The following CORIN variants were observed in gnomAD, a reference collection of about 807,000 sequenced individuals.
The protein encoded by CORIN is atrial natriuretic peptide-converting enzyme.
In CORIN, 117 loss-of-function variants were observed where a neutral mutation model predicts 125.3. The ratio of observed to expected loss-of-function variants is 0.93; its 90% CI spans 0.80 to 1.09. The LOEUF (loss-of-function observed/expected upper bound fraction) is 1.09, where lower values mean the gene tolerates loss of function less well. Among genes scored for constraint, CORIN ranks in the 50% least tolerant of loss-of-function variants. The probability of loss-of-function intolerance (pLI) is 0.00; values close to 1 mark genes in which losing one functional copy is unlikely to be tolerated. For missense variants in CORIN, 1,253 were observed against 1,306.7 expected (o/e 0.96, Z 0.63); for synonymous variants, 450 against 466.4 (o/e 0.96, Z 0.45).
intron 13 of CORIN, among the ~76,000 whole-genome samples, chr4:47,645,949 T>G (rs1018260119): frequency 2.0e-5 from 3 of 151,804 alleles, no homozygotes; most frequent in Non-Finnish European, 4.4e-5. Context: ...TCATGTATTT[T>G]CTATTCTTTT....
intron 16 of CORIN, among the ~76,000 whole-genome samples, chr4:47,632,958 T>C (rs58577037): frequency 1.3e-5 from 2 of 152,188 alleles, no homozygotes; most frequent in South Asian, 2.1e-4. Context: ...TTTTTGTACT[T>C]TTTGGTGGAG....
At chr4:47,624,889 AAT>A (rs1722487739) in intron 17 of CORIN, among the ~76,000 whole-genome samples, 2 of 152,014 alleles carry the variant, frequency 1.3e-5, no homozygotes, top group Admixed American at 1.3e-4. Flanking sequence ...GAAAAAAAAA[AAT>A]GCAACCCTAA....
At chr4:47,769,851 A>G (rs1729937815) in intron 3 of CORIN, among the ~76,000 whole-genome samples, 1 of 152,146 alleles carries the variant, frequency 6.6e-6, no homozygotes, top group Non-Finnish European at 1.5e-5. Context: ...TACACCATAT[A>G]CAAAATTAAC....
chr4:47,641,355 G>T lies in CORIN; in HGVS notation c.2198+565C>A, dbSNP rs1723223661. Among the ~76,000 whole-genome samples the T allele has an allele frequency of 2.6e-5, 4 of 152,112 alleles. No individual in the cohort carries two copies. The South Asian group carries it at 8.3e-4, about 32-fold the overall frequency. On this transcript the variant is annotated intron_variant, in intron 16 of 21. Coordinates refer to ENST00000273857, the MANE Select transcript of CORIN (RefSeq NM_006587.4). ...AAATTATTGCTTTCCACCCCCAATG[G>T]AATTGAAAAAGAAAAACCTCACAAA...
rs1728569466 is a variant in CORIN at position 47,744,479 on chromosome 4, G to GA, written c.721dup (p.Ser241PhefsTer4). 6.2e-7 allele frequency: 1 copy of GA among 1,613,890 alleles called. No homozygotes were observed. The highest frequency in any genetic ancestry group is 1.1e-5 in the South Asian group (1 of 91,070). On this transcript the variant is annotated frameshift_variant, in exon 5 of 22. Transcript: ENST00000273857. LOFTEE classifies it high-confidence loss of function. The stretch of plus-strand genomic sequence containing the variant: ...GCTTTCAGTTTGGTTTCTAAACTGG[G>GA]AGCATCTGAGGAAATCCGGCCAGGA...
rs140355497 is a variant in CORIN, at chr4:47,789,105, C to G, written c.209-2180G>C. On this transcript the variant is annotated intron_variant, in intron 2 of 21. Coordinates refer to ENST00000273857, the MANE Select transcript of CORIN (RefSeq NM_006587.4). ...ATCACCTGAGGTCAGGAGTTCTAGACCACCCTGACCCGCGTGAAACCCCGT... is the reference window on the plus strand; with the variant it reads ...ATCACCTGAGGTCAGGAGTTCTAGAGCACCCTGACCCGCGTGAAACCCCGT... Among the ~76,000 whole-genome samples the G allele has an allele frequency of 8.8e-3, 1,340 of 151,988 alleles. 26 individuals carry two copies. The highest frequency in any genetic ancestry group is 0.03 in the African/African-American group (1,262 of 41,428).
chr4:47,744,338 T>A (rs944642141), intron 5 of CORIN, 64 bp downstream of exon 5: 4 of 1,401,872 alleles, frequency 2.9e-6, no homozygotes, highest in Non-Finnish European at 3.0e-6. Flanking sequence ...TTTATATCCA[T>A]TCCTGTATAA....
chr4:47,670,573 G>C (rs542150437), intron 10 of CORIN, among the ~76,000 whole-genome samples: 1 of 152,184 alleles, frequency 6.6e-6, no homozygotes, highest in Non-Finnish European at 1.5e-5. Context: ...GAAAATGCAC[G>C]AGTAAGCGTA....
intron 3 of CORIN, among the ~76,000 whole-genome samples, chr4:47,778,936 T>A (rs1212355382): frequency 6.6e-6 from 1 of 152,144 alleles, no homozygotes; most frequent in African/African-American, 2.4e-5. Flanking sequence ...CTACAGCAGG[T>A]GCCCATAATC....
intron 6 of CORIN, among the ~76,000 whole-genome samples, chr4:47,686,823 T>C (rs1354895768): frequency 6.6e-6 from 1 of 152,106 alleles, no homozygotes; most frequent in African/African-American, 2.4e-5. Flanking sequence ...GTTAATTTCT[T>C]TGTAAGCACT....
At chr4:47,602,116 A>G (rs1037954792) in intron 20 of CORIN, among the ~76,000 whole-genome samples, 1 of 150,346 alleles carries the variant, frequency 6.7e-6, no homozygotes, top group Non-Finnish European at 1.5e-5. Flanking sequence ...AATACAAAAA[A>G]CAAAATTAGC....
intron 5 of CORIN, among the ~76,000 whole-genome samples, chr4:47,742,951 G>A (rs1348094145): frequency 6.6e-6 from 1 of 152,042 alleles, no homozygotes; most frequent in Non-Finnish European, 1.5e-5. Context: ...TCACTTGATT[G>A]ATAGCAGCAG....
chr4:47,605,679 A>G (rs948579263), intron 19 of CORIN, among the ~76,000 whole-genome samples: 3 of 152,140 alleles, frequency 2.0e-5, no homozygotes, highest in African/African-American at 7.2e-5. Flanking sequence ...CAGGCTGAAC[A>G]CTGAATCCTC....
chr4:47,832,282 C>T (rs139495398), intron 1 of CORIN, among the ~76,000 whole-genome samples: 1 of 152,136 alleles, frequency 6.6e-6, no homozygotes, highest in Non-Finnish European at 1.5e-5. Flanking sequence ...ATACATCAAT[C>T]TGGCCATTTA....
At chr4:47,601,159 AG>A (rs1316848123) in intron 20 of CORIN, among the ~76,000 whole-genome samples, 1 of 152,222 alleles carries the variant, frequency 6.6e-6, no homozygotes, top group East Asian at 1.9e-4. Flanking sequence ...CAAAAGAATA[AG>A]AACAATAGCT....
chr4:47,782,240 C>A (rs1189855311), intron 3 of CORIN, among the ~76,000 whole-genome samples: 1 of 151,802 alleles, frequency 6.6e-6, no homozygotes, highest in Non-Finnish European at 1.5e-5. Context: ...CAAAAATTAG[C>A]CAGGCATAGT....
At position 47,594,500 on chromosome 4, in the gene CORIN, C is replaced by T. The variant is rs1006690219; in HGVS notation, c.*1221G>A. 4.6e-5 allele frequency: 7 copies of T among 152,378 alleles called. No homozygotes were observed. The highest frequency in any genetic ancestry group is 7.2e-5 in the African/African-American group (3 of 41,390). The allele number at this position is 152,378 out of a possible 1,614,324, so 9.4% of individuals were successfully genotyped here. ...ACTAATTGCTTCAGAAATTGAGTTG[C>T]GTAAAGTGGCCTAGAGCTAAAAATC... On this transcript the variant is annotated 3_prime_UTR_variant, in exon 22 of 22. Transcript: ENST00000273857.
intron 5 of CORIN, among the ~76,000 whole-genome samples, chr4:47,726,421 T>A (rs752931907): frequency 2.6e-4 from 40 of 152,140 alleles, no homozygotes; most frequent in Middle Eastern, 3.4e-3. Flanking sequence ...TTAAAGGCAT[T>A]ATCGTAAGTG....
intron 2 of CORIN, among the ~76,000 whole-genome samples, chr4:47,794,791 T>C (rs933592769): frequency 1.2e-4 from 19 of 152,116 alleles, no homozygotes; most frequent in Non-Finnish European, 2.8e-4. Flanking sequence ...TGACACCTTT[T>C]AAAGCTGAAA....
Sources: allele counts gnomAD v4.1 joint callset (sites outside exome capture counted in the v4.1 genomes callset), GRCh38; gene constraint gnomAD v4.1.1; transcripts MANE v1.5; gene names NCBI Gene and HGNC (gene_info 2026-07-23, HGNC 2026-07-21).